HEATR3: variants seen among roughly 807,000 people sequenced by gnomAD.
HEATR3 encodes the protein HEAT repeat containing 3.
A neutral mutation model predicts 72.8 loss-of-function variants in HEATR3; 56 were observed. That is an observed-to-expected ratio of 0.77 (90% confidence interval 0.62 to 0.96). The LOEUF (loss-of-function observed/expected upper bound fraction) is 0.96. Among genes scored for constraint, HEATR3 ranks in the 40% least tolerant of loss-of-function variants. The pLI is 0.00. For synonymous variants in HEATR3, 331 were observed against 318.1 expected, an observed-to-expected ratio of 1.04 and a Z score of -0.43; for missense variants, 747 against 831.4, an observed-to-expected ratio of 0.90 and a Z score of 1.25.
chr16:50,081,527 G>C (rs1454653245), intron 7 of HEATR3, among the ~76,000 whole-genome samples: 1 of 151,656 alleles, frequency 6.6e-6, no homozygotes, highest in African/African-American at 2.4e-5. Flanking sequence ...GGGGGTAGAG[G>C]AGAAAAAAAA....
In HEATR3 at chr16:50,100,337, C is replaced by T; in HGVS notation, c.1707C>T (p.Val569=). The stretch of plus-strand genomic sequence containing the variant: ...GCATTTTAGGAATCACTGGCAGCGT[C>T]CTTGCCAAAGAAGATGGTACACTTG... ...VVSILGITGS[V]LAKEDGTLET... The change falls in exon 13 of 15, where the codon GTC becomes GTT. Residue 569 remains valine (V), a synonymous_variant. Transcript: ENST00000299192. The T allele has an allele frequency of 2.5e-6, 4 of 1,614,070 alleles. No individual in the cohort carries two copies. Among genetic ancestry groups the T allele is most frequent in the Non-Finnish European group, 3.4e-6 (4 of 1,180,004 alleles).
intron 2 of HEATR3, among the ~76,000 whole-genome samples, chr16:50,068,052 G>T (rs553872290): frequency 3.9e-5 from 6 of 152,134 alleles, no homozygotes; most frequent in African/African-American, 9.6e-5. Context: ...GTTGATGGAG[G>T]GGGGATAGAC....
intron 7 of HEATR3, among the ~76,000 whole-genome samples, chr16:50,081,926 A>G (rs2036876186): frequency 6.6e-6 from 1 of 152,216 alleles, no homozygotes. Flanking sequence ...CAAATCTCAG[A>G]TGTCATAACA....
chr16:50,086,228 C>T lies in HEATR3; in HGVS notation c.1387C>T (p.Gln463Ter). Residue 463 changes from glutamine (Q) to a stop codon, truncating the protein, a stop_gained, in exon 11 of 15, where the codon CAG becomes TAG. Transcript: ENST00000299192. LOFTEE classifies it high-confidence loss of function. ...CTTCCTTTCCAGAATGAACACTATT[C>T]AGTGCAGAGCCCTCTTCTGTCTCCA... is the stretch of plus-strand genomic sequence containing the variant. ...KPLIRKMNTI[Q>*]CRALFCLQSL... The T allele has an allele frequency of 6.3e-7, 1 of 1,577,958 alleles. No homozygotes were observed. Among genetic ancestry groups the T allele is most frequent in the Non-Finnish European group, 8.6e-7 (1 of 1,160,598 alleles).
At chr16:50,101,927 C>T (rs1477131) in intron 13 of HEATR3, among the ~76,000 whole-genome samples, 18,172 of 147,746 alleles carry the variant, frequency 0.12, 1,121 homozygotes, top group African/African-American at 0.16. Context: ...TTGTTGTTGT[C>T]GTTGTTGTTA....
Position 50,085,760 on chromosome 16 carries a change from A to G in HEATR3, c.1374-455A>G, listed in dbSNP as rs551528161. 1.9e-4 allele frequency among the ~76,000 whole-genome samples: 29 copies of G among 152,210 alleles called. No individual in the cohort carries two copies. In the South Asian group the frequency reaches 3.9e-3, roughly 21 times the overall value. ...TCAAGCAGTTTGATTTGGCAGATTA[A>G]CAGTTCACCTTATAATTCTAGCACT... On this transcript the variant is annotated intron_variant, in intron 10 of 14. Transcript: ENST00000299192.
At chr16:50,086,826 G>C (rs1376974499) in intron 11 of HEATR3, among the ~76,000 whole-genome samples, 1 of 152,160 alleles carries the variant, frequency 6.6e-6, no homozygotes, top group African/African-American at 2.4e-5. Context: ...CTACTCGGGA[G>C]GCTGAGGCAG....
At position 50,089,498 on chromosome 16, in the gene HEATR3, C is replaced by T. The variant is rs562539699; in HGVS notation, c.1510+3147C>T. On this transcript the variant is annotated intron_variant, in intron 11 of 14. Coordinates refer to ENST00000299192, the MANE Select transcript of HEATR3 (RefSeq NM_182922.4). ...CTGTCCAGCTTGCTTGGGGCCCATA[C>T]TCGTATCCCATCTGTGGCCTTCGTA... Among the ~76,000 whole-genome samples the T allele has an allele frequency of 4.7e-4, 72 of 152,272 alleles. 1 individual carries two copies. The highest frequency in any genetic ancestry group is 1.5e-3 in the Admixed American group (23 of 15,276).
chr16:50,099,647 C>T (rs1409887648), intron 12 of HEATR3, among the ~76,000 whole-genome samples: 4 of 152,154 alleles, frequency 2.6e-5, no homozygotes, highest in African/African-American at 4.8e-5. Flanking sequence ...GGCACAATCT[C>T]AGCTCACTGC....
At chr16:50,070,333 C>T (rs750125542) in intron 4 of HEATR3, 43 bp downstream of exon 4, 1 of 977,280 alleles carries the variant, frequency 1.0e-6, no homozygotes. Flanking sequence ...TAGCAGTACC[C>T]AGGCTGCTAT....
rs1262009726 is a variant in HEATR3 at position 50,105,030 on chromosome 16, A to G, written c.2012A>G (p.Gln671Arg). The change falls in exon 15 of 15, where the codon CAA (glutamine) becomes CGA (arginine). Residue 671 changes from glutamine (Q) to arginine (R), a missense_variant. Physicochemically the swap from Gln to Arg is conservative, Grantham distance 43 (BLOSUM62 1). Coordinates refer to ENST00000299192, the MANE Select transcript of HEATR3 (RefSeq NM_182922.4). ...AATTTGCGAAGATTTATTGCTTATC[A>G]AGAAACTGTTGAGAAAAGACTGACT... ...KMNLRRFIAY[Q>R]ETVEKRLTS The G allele has an allele frequency of 6.2e-7, 1 of 1,612,692 alleles. No homozygotes were observed. The highest frequency in any genetic ancestry group is 1.7e-5 in the Admixed American group (1 of 59,698).
In HEATR3 at chr16:50,084,462, A is replaced by G. The variant is rs1014761691; in HGVS notation, c.1291-107A>G. 8 of 1,129,070 alleles carry G rather than the reference A, an allele frequency of 7.1e-6. No homozygotes were observed. In the African/African-American group the frequency reaches 9.3e-5, roughly 13 times the overall value. The allele number at this position is 1,129,070 out of a possible 1,614,324, so 69.9% of individuals were successfully genotyped here. A position where few individuals can be genotyped will look rare whatever the true frequency, so the allele number is the denominator to read the frequency against. On this transcript the variant is annotated intron_variant, in intron 9 of 14. Transcript: ENST00000299192. The stretch of plus-strand genomic sequence containing the variant: ...GAAATAGGCGAAAAGGTCATTCTAT[A>G]TGAAGCCTAACCATTTCACTTAGGA...
chr16:50,094,798 G>A lies in HEATR3; in HGVS notation c.1599+5G>A, dbSNP rs750479072. The A allele has an allele frequency of 1.3e-6, 2 of 1,578,716 alleles. No homozygotes were observed. The highest frequency in any genetic ancestry group is 2.3e-5 in the East Asian group (1 of 43,802). On this transcript the variant is annotated splice_donor_5th_base_variant and intron_variant, in intron 12 of 14. Coordinates refer to ENST00000299192, the MANE Select transcript of HEATR3 (RefSeq NM_182922.4). Reference sequence around the variant, plus strand: ...GCCTCCAAGAACATTTCCCAGGTAAGAGTTTTAAAATTTTTTGTATGAAAC... The same window carrying A: ...GCCTCCAAGAACATTTCCCAGGTAAAAGTTTTAAAATTTTTTGTATGAAAC...
Position 50,066,462 on chromosome 16 carries a change from A to G in HEATR3, c.234A>G (p.Arg78=), listed in dbSNP as rs2036498308. The stretch of plus-strand genomic sequence containing the variant: ...CGGCACTCCCGGGCCTGGCGCGACG[A>G]GACGCCGTGCGCCGCCTCGGGCCGC... ...QRPALPGLAR[R]DAVRRLGPLL... is the part of the protein sequence containing the mutation. Residue 78 remains arginine, a synonymous_variant, in exon 2 of 15, where the codon CGA becomes CGG. Transcript: ENST00000299192. 1 of 1,365,056 alleles carries G rather than the reference A, an allele frequency of 7.3e-7. No individual in the cohort carries two copies. Among genetic ancestry groups the G allele is most frequent in the East Asian group, 3.1e-5 (1 of 32,746 alleles). The allele number at this position is 1,365,056 out of a possible 1,614,324, so 84.6% of individuals were successfully genotyped here.
At chr16:50,092,436 C>CTTTTTTTTTTTT (rs375532097) in intron 11 of HEATR3, among the ~76,000 whole-genome samples, 2 of 106,030 alleles carry the variant, frequency 1.9e-5, no homozygotes, top group African/African-American at 3.7e-5. Context: ...TTTCTTTTTT[C>CTTTTTTTTTTTT]TTTTTTTTTT....
chr16:50,102,181 A>G (rs767957573), intron 13 of HEATR3, 78 bp from the exon 14 acceptor site: 6 of 1,176,602 alleles, frequency 5.1e-6, no homozygotes, highest in Non-Finnish European at 7.3e-6. Context: ...AGTATGCATG[A>G]GTTATTGCCA....
At position 50,083,470 on chromosome 16, in the gene HEATR3, G is replaced by T. The variant is rs572088034; in HGVS notation, c.1042-467G>T. ...AGCAAGTTCTACAGGTCACATAAGG[G>T]CTCGTTAGTAGTGTGTGTTAGCGCA... On this transcript the variant is annotated intron_variant, in intron 7 of 14. Transcript: ENST00000299192. 3.3e-5 allele frequency among the ~76,000 whole-genome samples: 5 copies of T among 152,234 alleles called. No homozygotes were observed. In the East Asian group the frequency reaches 7.7e-4, roughly 24 times the overall value.
intron 12 of HEATR3, among the ~76,000 whole-genome samples, chr16:50,097,398 ATT>A (rs769882022): frequency 2.0e-5 from 2 of 100,742 alleles, no homozygotes; most frequent in Non-Finnish European, 4.0e-5. Flanking sequence ...GTGACCAGTG[ATT>A]TTTTTTTTTT....
rs1202851251 is a variant in HEATR3 at position 50,081,898 on chromosome 16, G to A, written c.1042-2039G>A. Among the ~76,000 whole-genome samples the A allele has an allele frequency of 2.0e-5, 3 of 152,144 alleles. No homozygotes were observed. In the East Asian group the frequency reaches 5.8e-4, roughly 29 times the overall value. On this transcript the variant is annotated intron_variant, in intron 7 of 14. Coordinates refer to ENST00000299192, the MANE Select transcript of HEATR3 (RefSeq NM_182922.4). The stretch of plus-strand genomic sequence containing the variant: ...TAGTTCCCGTCACGCTGTCTTTTCT[G>A]TACTGATTATTTTGAAGCAAATCTC...
Sources: allele counts gnomAD v4.1 joint callset (sites outside exome capture counted in the v4.1 genomes callset), GRCh38; gene constraint gnomAD v4.1.1; transcripts MANE v1.5; gene names NCBI Gene and HGNC (gene_info 2026-07-23, HGNC 2026-07-21).